Variants in GABBR2 observed in about 807,000 individuals in gnomAD.
The protein encoded by GABBR2 is gamma-aminobutyric acid type B receptor subunit 2, also known as G-protein coupled receptor 51.
In GABBR2, 23 loss-of-function variants were observed where a neutral mutation model predicts 105.6. The ratio of observed to expected loss-of-function variants is 0.22; its 90% CI spans 0.16 to 0.31. GABBR2 has a LOEUF of 0.31. Among genes scored for constraint, GABBR2 ranks in the 10% least tolerant of loss-of-function variants. GABBR2 has a pLI of 1.00. For synonymous variants in GABBR2, 478 were observed against 499.7 expected (o/e 0.96, Z 0.58); for missense variants, 734 against 1,245.5 (o/e 0.59, Z 6.18).
intron 2 of GABBR2, among the ~76,000 whole-genome samples, chr9:98,564,774 A>C (rs1030595012): frequency 6.6e-6 from 1 of 152,174 alleles, no homozygotes; most frequent in Non-Finnish European, 1.5e-5. Flanking sequence ...TCTGGGCCTG[A>C]AGGAGTTGTT....
intron 1 of GABBR2, 85 bp from the exon 2 acceptor site, chr9:98,578,157 C>T (rs1407423598): frequency 4.7e-5 from 71 of 1,496,156 alleles, no homozygotes; most frequent in Non-Finnish European, 5.9e-5. Context: ...AATCTTTCCT[C>T]ATGGAAACCT....
chr9:98,329,483 A>G (rs6478670), intron 13 of GABBR2, among the ~76,000 whole-genome samples: 12,378 of 152,196 alleles, frequency 0.081, 865 homozygotes, highest in African/African-American at 0.19. Flanking sequence ...TCCAGGCACA[A>G]GGGTCCTCTT....
chr9:98,641,129 GTTTTT>G (rs34931575), intron 1 of GABBR2, among the ~76,000 whole-genome samples: 2 of 125,238 alleles, frequency 1.6e-5, no homozygotes. Context: ...CTGTGGTTTG[GTTTTT>G]TTTTTTTTTT....
At chr9:98,564,176 A>G (rs1037850024) in intron 2 of GABBR2, among the ~76,000 whole-genome samples, 1 of 152,200 alleles carries the variant, frequency 6.6e-6, no homozygotes. Context: ...TGGGTCCTCC[A>G]TGGACAGGCA....
chr9:98,533,861 G>A (rs1828118488), intron 3 of GABBR2, among the ~76,000 whole-genome samples: 1 of 152,232 alleles, frequency 6.6e-6, no homozygotes, highest in South Asian at 2.1e-4. Context: ...GTGACTGCAG[G>A]TGAGACAGAG....
chr9:98,383,723 C>T (rs139483796), intron 11 of GABBR2, among the ~76,000 whole-genome samples: 2,809 of 152,266 alleles, frequency 0.018, 39 homozygotes, highest in Non-Finnish European at 0.027. Context: ...AACAATTTCT[C>T]GATGATGTGT....
intron 7 of GABBR2, among the ~76,000 whole-genome samples, chr9:98,444,871 G>A (rs563241323): frequency 2.8e-4 from 28 of 100,570 alleles, no homozygotes; most frequent in Admixed American, 1.6e-3. Flanking sequence ...ATGCACATGC[G>A]CGCGCGCGCA....
chr9:98,447,063 C>CTTTTTTTTTTTTTTTTTTTTTTTTTT (rs369338702), intron 7 of GABBR2, among the ~76,000 whole-genome samples: 1 of 116,338 alleles, frequency 8.6e-6, no homozygotes, highest in African/African-American at 3.5e-5. Flanking sequence ...AAAAAGACTT[C>CTTTTTTTTTTTTTTTTTTTTTTTTTT]TTTTTTTTTT....
intron 1 of GABBR2, among the ~76,000 whole-genome samples, chr9:98,643,429 T>C (rs1829993896): frequency 1.3e-5 from 2 of 152,234 alleles, no homozygotes; most frequent in South Asian, 4.1e-4. Flanking sequence ...AGTTGCATAG[T>C]GGACATTCTT....
chr9:98,316,972 C>T (rs776888355), intron 13 of GABBR2, among the ~76,000 whole-genome samples: 1 of 152,180 alleles, frequency 6.6e-6, no homozygotes, highest in Non-Finnish European at 1.5e-5. Context: ...CCCTGATGTG[C>T]CCTCCTCTCA....
At chr9:98,683,669 G>GAA (rs986453847) in intron 1 of GABBR2, among the ~76,000 whole-genome samples, 1 of 147,876 alleles carries the variant, frequency 6.8e-6, no homozygotes, top group African/African-American at 2.5e-5. Context: ...GTTTAGAAGA[G>GAA]AAAAAAAAAA....
At chr9:98,649,777 T>C (rs1830079723) in intron 1 of GABBR2, among the ~76,000 whole-genome samples, 1 of 152,186 alleles carries the variant, frequency 6.6e-6, no homozygotes. Flanking sequence ...AATAGTGTTG[T>C]TTCAAAAATA....
At chr9:98,312,977 C>CG (rs1830659205) in intron 13 of GABBR2, among the ~76,000 whole-genome samples, 1 of 152,148 alleles carries the variant, frequency 6.6e-6, no homozygotes, top group African/African-American at 2.4e-5. Context: ...CTTGAGCTGC[C>CG]GACCTTAGGT....
chr9:98,568,335 T>C (rs1184502326), intron 2 of GABBR2, among the ~76,000 whole-genome samples: 1 of 152,170 alleles, frequency 6.6e-6, no homozygotes, highest in African/African-American at 2.4e-5. Context: ...ATGATGACAC[T>C]GTGGTGTAGA....
intron 1 of GABBR2, among the ~76,000 whole-genome samples, chr9:98,691,324 C>T (rs1830678902): frequency 6.6e-6 from 1 of 152,288 alleles, no homozygotes; most frequent in East Asian, 1.9e-4. Context: ...CCCTGTTGCA[C>T]AGGGGGAATG....
At chr9:98,529,943 A>G (rs1828033240) in intron 3 of GABBR2, among the ~76,000 whole-genome samples, 1 of 152,172 alleles carries the variant, frequency 6.6e-6, no homozygotes, top group Non-Finnish European at 1.5e-5. Flanking sequence ...TCGAGCCCCA[A>G]CAGACTCTTT....
intron 1 of GABBR2, chr9:98,707,554 G>C (rs543282506): frequency 1.3e-5 from 2 of 152,746 alleles, no homozygotes; most frequent in South Asian, 4.1e-4. Context: ...GGCGTGGGGA[G>C]GGGTCTTGGG....
At chr9:98,358,858 C>A (rs1831533551) in intron 13 of GABBR2, among the ~76,000 whole-genome samples, 1 of 152,176 alleles carries the variant, frequency 6.6e-6, no homozygotes, top group Non-Finnish European at 1.5e-5. Flanking sequence ...CCTCCATCCC[C>A]TGCCTCAGGG....
At chr9:98,436,378 T>TAG (rs1825921753) in intron 7 of GABBR2, among the ~76,000 whole-genome samples, 7 of 56,078 alleles carry the variant, frequency 1.2e-4, no homozygotes, top group African/African-American at 6.5e-4. Context: ...TATATATATA[T>TAG]ATATATATAT....
Sources: allele counts gnomAD v4.1 joint callset (sites outside exome capture counted in the v4.1 genomes callset), GRCh38; gene constraint gnomAD v4.1.1; transcripts MANE v1.5; gene names NCBI Gene and HGNC (gene_info 2026-07-23, HGNC 2026-07-21).